The following BIRC3 variants were observed in gnomAD, a reference collection of about 807,000 sequenced individuals.
BIRC3 encodes the protein baculoviral IAP repeat-containing protein 3.
Under a neutral mutation model 59.0 loss-of-function variants are expected in BIRC3, and 26 were observed. The observed-to-expected ratio is 0.44, with a 90% CI of 0.32 to 0.61. BIRC3 has a LOEUF of 0.61. Ranked by LOEUF, BIRC3 falls within the 20% of genes least tolerant of loss-of-function variation. The pLI, the probability that BIRC3 is intolerant of heterozygous loss-of-function variation, is 0.04. For synonymous variants in BIRC3, 243 were observed against 249.2 expected, an observed-to-expected ratio of 0.98 and a Z score of 0.24; for missense variants, 641 against 711.5, an observed-to-expected ratio of 0.90 and a Z score of 1.13.
In BIRC3 at chr11:102,323,157, A is replaced by G; in HGVS notation, c.-1353A>G. ...TTCAAAAATGTTTTCAGGAGGTGAT[A>G]AGTTGAATAACTCTACAATGTTAGT... On this transcript the variant is annotated 5_prime_UTR_variant, in exon 2 of 9. It adds an upstream start codon to the 5' untranslated region. Transcript: ENST00000263464. 1 of 199,906 alleles carries G rather than the reference A, an allele frequency of 5.0e-6. No individual in the cohort carries two copies. Among genetic ancestry groups the G allele is most frequent in the Non-Finnish European group, 1.0e-5 (1 of 96,906 alleles). 12.4% of individuals were successfully genotyped at this position (199,906 alleles called of 1,614,324 possible).
At chr11:102,321,377 C>CA (rs1951028971) in intron 1 of BIRC3, among the ~76,000 whole-genome samples, 1 of 151,370 alleles carries the variant, frequency 6.6e-6, no homozygotes, top group East Asian at 1.9e-4. Flanking sequence ...ATTTTTGAGA[C>CA]AGAGTCTTGC....
Position 102,323,745 on chromosome 11 carries a change from T to C in BIRC3, c.-765T>C, listed in dbSNP as rs1407347436. The C allele has an allele frequency of 5.0e-6, 1 of 201,188 alleles. No homozygotes were observed. Among genetic ancestry groups the C allele is most frequent in the African/African-American group, 2.3e-5 (1 of 43,546 alleles). 12.5% of individuals were successfully genotyped at this position (201,188 alleles called of 1,614,324 possible). ...TAGAAGGATTGTAGAAAGAAAAAAA[T>C]GACTAATTGGAGAAAAATTGGGGAT... On this transcript the variant is annotated 5_prime_UTR_variant, in exon 2 of 9. The change abolishes an upstream ATG in the 5' untranslated region. Transcript: ENST00000263464.
chr11:102,322,418 G>T lies in BIRC3; in HGVS notation c.-2092G>T. On this transcript the variant is annotated 5_prime_UTR_variant, in exon 2 of 9. Transcript: ENST00000263464. Reference sequence around the variant, plus strand: ...TGATGATTGGTCAAGAAATTATCCAGTTATTTACAAGGCCACTGATATTTT... The same window carrying T: ...TGATGATTGGTCAAGAAATTATCCATTTATTTACAAGGCCACTGATATTTT... 4.8e-6 allele frequency: 1 copy of T among 206,828 alleles called. No individual in the cohort carries two copies. Among genetic ancestry groups the T allele is most frequent in the Non-Finnish European group, 9.9e-6 (1 of 101,264 alleles). The allele number at this position is 206,828 out of a possible 1,614,324, so 12.8% of individuals were successfully genotyped here. A position where few individuals can be genotyped will look rare whatever the true frequency, so the allele number is the denominator to read the frequency against.
chr11:102,331,373 C>A, intron 6 of BIRC3, 132 bp downstream of exon 6: 1 of 975,412 alleles, frequency 1.0e-6, no homozygotes, highest in Non-Finnish European at 1.4e-6. Flanking sequence ...GTTTAGTATT[C>A]TGAATTCAAA....
chr11:102,336,829 A>T (rs1311558709), intron 8 of BIRC3, 28 bp downstream of exon 8: 1 of 1,594,002 alleles, frequency 6.3e-7, no homozygotes, highest in South Asian at 1.2e-5. Flanking sequence ...TTAAATCAAT[A>T]GAGAACATTG....
intron 3 of BIRC3, among the ~76,000 whole-genome samples, chr11:102,325,880 T>C (rs1951075951): frequency 6.6e-6 from 1 of 152,050 alleles, no homozygotes; most frequent in Non-Finnish European, 1.5e-5. Context: ...CCAGAAATCT[T>C]ACCGCCTAAG....
Position 102,328,882 on chromosome 11 carries a change from T to TATA in BIRC3, c.1033-15_1033-14insATA. On this transcript the variant is annotated splice_polypyrimidine_tract_variant and intron_variant, in intron 4 of 8. Transcript: ENST00000263464. ...TTTATATATATATATATATATATAT[T>TATA]TTTTTTTTCTGCAGCTGCTATCCAC... The TATA allele has an allele frequency of 9.7e-7, 1 of 1,028,838 alleles. No individual in the cohort carries two copies. Among genetic ancestry groups the TATA allele is most frequent in the Non-Finnish European group, 1.3e-6 (1 of 786,530 alleles). The allele number at this position is 1,028,838 out of a possible 1,614,324, so 63.7% of individuals were successfully genotyped here. A position where few individuals can be genotyped will look rare whatever the true frequency, so the allele number is the denominator to read the frequency against.
intron 3 of BIRC3, among the ~76,000 whole-genome samples, 166 bp from the exon 4 acceptor site, chr11:102,327,886 T>C (rs1338533973): frequency 2.0e-5 from 3 of 152,230 alleles, no homozygotes. Flanking sequence ...GTATTTATTC[T>C]TCTAACATTA....
Position 102,337,827 on chromosome 11 carries a change from A to G in BIRC3, c.*725A>G. On this transcript the variant is annotated 3_prime_UTR_variant, in exon 9 of 9. Transcript: ENST00000263464. ...TAAAGCCTCTCAAATATTGAACTAC[A>G]GTTTATACTCCTTCCCATAAGATGC... The G allele has an allele frequency of 4.3e-6, 1 of 232,050 alleles. No individual in the cohort carries two copies. The highest frequency in any genetic ancestry group is 8.5e-6 in the Non-Finnish European group (1 of 117,462). The allele number at this position is 232,050 out of a possible 1,614,324, so 14.4% of individuals were successfully genotyped here.
In BIRC3 at chr11:102,322,906, G is replaced by T; in HGVS notation, c.-1604G>T. 4.8e-6 allele frequency: 1 copy of T among 208,510 alleles called. No individual in the cohort carries two copies. 12.9% of individuals were successfully genotyped at this position (208,510 alleles called of 1,614,324 possible). On this transcript the variant is annotated 5_prime_UTR_variant, in exon 2 of 9. Coordinates refer to ENST00000263464, the MANE Select transcript of BIRC3 (RefSeq NM_001165.5). Reference sequence around the variant, plus strand: ...TTGAGAAATTCTGAATTTTGACAAGGTCTCTGCTGTTGAAATGGTAAATTT... The same window carrying T: ...TTGAGAAATTCTGAATTTTGACAAGTTCTCTGCTGTTGAAATGGTAAATTT...
Position 102,323,115 on chromosome 11 carries a change from A to G in BIRC3, c.-1395A>G, listed in dbSNP as rs1220582991. ...TAGATTTGATGTTGGCTTCAGAAACATTTAGAAAAACAAAAGTTCAAAAAT... is the reference window on the plus strand; with the variant it reads ...TAGATTTGATGTTGGCTTCAGAAACGTTTAGAAAAACAAAAGTTCAAAAAT... On this transcript the variant is annotated 5_prime_UTR_variant, in exon 2 of 9. Coordinates refer to ENST00000263464, the MANE Select transcript of BIRC3 (RefSeq NM_001165.5). 1 of 198,558 alleles carries G rather than the reference A, an allele frequency of 5.0e-6. No homozygotes were observed. Among genetic ancestry groups the G allele is most frequent in the Non-Finnish European group, 1.0e-5 (1 of 96,042 alleles). The allele number at this position is 198,558 out of a possible 1,614,324, so 12.3% of individuals were successfully genotyped here. A position where few individuals can be genotyped will look rare whatever the true frequency, so the allele number is the denominator to read the frequency against.
rs569861438 is a variant in BIRC3, at chr11:102,336,346, C to G, written c.1579+126C>G. 70 of 1,103,756 alleles carry G rather than the reference C, an allele frequency of 6.3e-5. No homozygotes were observed. The African/African-American group carries it at 9.9e-4, about 16-fold the overall frequency. The allele number at this position is 1,103,756 out of a possible 1,614,324, so 68.4% of individuals were successfully genotyped here. On this transcript the variant is annotated intron_variant, in intron 7 of 8. Coordinates refer to ENST00000263464, the MANE Select transcript of BIRC3 (RefSeq NM_001165.5). ...GTGACTCATGCCTGTAATCCTAACA[C>G]CTTGGGAGGCTGAGGCAGGTGGATT... is the stretch of plus-strand genomic sequence containing the variant.
At position 102,338,594 on chromosome 11, in the gene BIRC3, A is replaced by G; in HGVS notation, c.*1492A>G. The G allele has an allele frequency of 4.4e-6, 1 of 228,906 alleles. No homozygotes were observed. The highest frequency in any genetic ancestry group is 8.7e-6 in the Non-Finnish European group (1 of 115,338). 14.2% of individuals were successfully genotyped at this position (228,906 alleles called of 1,614,324 possible). ...AATAGACACAGGTTGGGGACCCAGC[A>G]AGGCCTGTCTGTTCAGATTATTCTT... On this transcript the variant is annotated 3_prime_UTR_variant, in exon 9 of 9. Coordinates refer to ENST00000263464, the MANE Select transcript of BIRC3 (RefSeq NM_001165.5).
Position 102,331,255 on chromosome 11 carries a change from T to G in BIRC3, c.1324+14T>G. ...AAAAAGAATCAAGTATGTAGATTTA[T>G]TAATACAGTCTATTTTCATAAGGAT... On this transcript the variant is annotated intron_variant, in intron 6 of 8. Transcript: ENST00000263464. 6.3e-7 allele frequency: 1 copy of G among 1,595,016 alleles called. No individual in the cohort carries two copies. The highest frequency in any genetic ancestry group is 8.5e-7 in the Non-Finnish European group (1 of 1,172,732).
At chr11:102,318,532 C>T (rs771679996) in intron 1 of BIRC3, among the ~76,000 whole-genome samples, 9 of 152,194 alleles carry the variant, frequency 5.9e-5, no homozygotes, top group Non-Finnish European at 8.8e-5. Flanking sequence ...AGAGATGAAA[C>T]ATATTAATAG....
chr11:102,334,454 A>G (rs1427339242), intron 6 of BIRC3, among the ~76,000 whole-genome samples: 3 of 152,106 alleles, frequency 2.0e-5, no homozygotes, highest in Admixed American at 6.6e-5. Context: ...ACTAAGCATC[A>G]TCTTTATTTT....
chr11:102,325,763 TTTTG>T (rs1223062386), intron 3 of BIRC3, among the ~76,000 whole-genome samples, 198 bp downstream of exon 3: 3 of 152,022 alleles, frequency 2.0e-5, no homozygotes, highest in Admixed American at 2.0e-4. Context: ...ATTTGGGGAT[TTTTG>T]TTTAATTTTT....
chr11:102,335,993 G>C lies in BIRC3; in HGVS notation c.1352G>C (p.Arg451Thr). The change falls in exon 7 of 9, where the codon AGA becomes ACA. Residue 451 changes from arginine (R) to threonine (T), a missense_variant. Transcript: ENST00000263464. ...GATTTATTATTAATCCGGAAGAATA[G>C]AATGGCACTTTTTCAACATTTGACT... is the stretch of plus-strand genomic sequence containing the variant. ...SNDLLLIRKN[R>T]MALFQHLTCV... 2 of 1,611,014 alleles carry C rather than the reference G, an allele frequency of 1.2e-6. No individual in the cohort carries two copies. Among genetic ancestry groups the C allele is most frequent in the Non-Finnish European group, 1.7e-6 (2 of 1,178,762 alleles).
In BIRC3 at chr11:102,325,035, T is replaced by G. The variant is rs1951067777; in HGVS notation, c.526T>G (p.Phe176Val). Reference sequence around the variant, plus strand: ...TAACGAAAATGCCAGATTACTTACTTTTCAGACATGGCCATTGACTTTTCT... The same window carrying G: ...TAACGAAAATGCCAGATTACTTACTGTTCAGACATGGCCATTGACTTTTCT... The part of the protein sequence containing the change: ...MNNENARLLT[F>V]QTWPLTFLSP... The change falls in exon 2 of 9, where the codon TTT (phenylalanine) becomes GTT (valine). Residue 176 changes from phenylalanine to valine, a missense_variant. This residue lies in a region of BIRC3 where 329 missense variants were observed against 365.6 expected (regional missense o/e 0.90). Transcript: ENST00000263464. 9.3e-6 allele frequency: 15 copies of G among 1,614,200 alleles called. No individual in the cohort carries two copies. Among genetic ancestry groups the G allele is most frequent in the Non-Finnish European group, 1.3e-5 (15 of 1,180,032 alleles).
Sources: allele counts gnomAD v4.1 joint callset (sites outside exome capture counted in the v4.1 genomes callset), GRCh38; gene constraint gnomAD v4.1.1; regional missense constraint gnomAD v4.1.1; transcripts MANE v1.5; gene names NCBI Gene and HGNC (gene_info 2026-07-23, HGNC 2026-07-21).